SYN3: variants seen among roughly 807,000 people sequenced by gnomAD.
SYN3 encodes the protein synapsin-3.
In SYN3, 35 loss-of-function variants were observed where a neutral mutation model predicts 65.8. That is an observed-to-expected ratio of 0.53 (90% CI 0.41 to 0.70). The LOEUF is 0.70. Among genes scored for constraint, SYN3 ranks in the 30% least tolerant of loss-of-function variants. The pLI is 0.00. For missense variants in SYN3, 680 were observed against 749.0 expected (o/e 0.91, Z 1.08); for synonymous variants, 270 against 292.9 (o/e 0.92, Z 0.80).
At chr22:32,569,256 A>AATCAATCTATCT (rs1555898440) in intron 7 of SYN3, among the ~76,000 whole-genome samples, 3 of 140,990 alleles carry the variant, frequency 2.1e-5, no homozygotes, top group East Asian at 2.4e-4. Flanking sequence ...ATGCATCCAA[A>AATCAATCTATCT]ATCTATCTAT....
At chr22:32,858,357 C>T (rs990206472) in intron 6 of SYN3, among the ~76,000 whole-genome samples, 1 of 152,134 alleles carries the variant, frequency 6.6e-6, no homozygotes, top group African/African-American at 2.4e-5. Flanking sequence ...CTGCTGTAAT[C>T]GGCTGCCTCC....
intron 6 of SYN3, among the ~76,000 whole-genome samples, chr22:32,827,121 C>T (rs926475586): frequency 6.6e-6 from 1 of 152,224 alleles, no homozygotes; most frequent in South Asian, 2.1e-4. Context: ...AAATCTCCAG[C>T]CTCTCCTGCT....
intron 4 of SYN3, among the ~76,000 whole-genome samples, chr22:32,896,437 C>G (rs1339162905): frequency 6.6e-6 from 1 of 152,180 alleles, no homozygotes; most frequent in Non-Finnish European, 1.5e-5. Flanking sequence ...GCCTGGGCAA[C>G]AGAGTAAGAC....
Position 32,807,378 on chromosome 22 carries a change from AAT to A in SYN3, c.711+57535_711+57536del, listed in dbSNP as rs1409769451. On this transcript the variant is annotated intron_variant, in intron 6 of 13. Transcript: ENST00000358763. ...ATAATATATAATATATATTATATAT[AAT>A]ATATATTATATATAATATATATATA... 3.7e-5 allele frequency among the ~76,000 whole-genome samples: 4 copies of A among 108,242 alleles called. 1 individual carries two copies. Among genetic ancestry groups the A allele is most frequent in the Non-Finnish European group, 6.9e-5 (4 of 57,670 alleles). The allele number at this position is 108,242 out of a possible 152,430, so 71.0% of individuals were successfully genotyped here.
At chr22:32,699,117 C>T (rs549218344) in intron 6 of SYN3, among the ~76,000 whole-genome samples, 1 of 152,354 alleles carries the variant, frequency 6.6e-6, no homozygotes, top group East Asian at 1.9e-4. Flanking sequence ...GGCCCAGGGT[C>T]TCCAGTGGCT....
chr22:32,756,273 A>C (rs572741161), intron 6 of SYN3, among the ~76,000 whole-genome samples: 36 of 152,184 alleles, frequency 2.4e-4, no homozygotes, highest in African/African-American at 7.9e-4. Context: ...GCAAAAATCA[A>C]ACAGAAATAA....
At chr22:32,746,336 A>G (rs781568407) in intron 6 of SYN3, among the ~76,000 whole-genome samples, 1 of 152,254 alleles carries the variant, frequency 6.6e-6, no homozygotes, top group Non-Finnish European at 1.5e-5. Flanking sequence ...GAAAACATTA[A>G]TCTTCACATA....
chr22:32,962,129 CTTTTTTTTTT>C (rs58025844), intron 3 of SYN3, among the ~76,000 whole-genome samples: 6 of 107,200 alleles, frequency 5.6e-5, no homozygotes, highest in African/African-American at 1.1e-4. Flanking sequence ...TTTAGAATCT[CTTTTTTTTTT>C]TTTTTTTTTT....
chr22:32,923,566 T>C (rs765254155), intron 4 of SYN3, among the ~76,000 whole-genome samples: 2 of 152,246 alleles, frequency 1.3e-5, no homozygotes, highest in Non-Finnish European at 2.9e-5. Context: ...AACGTCTACA[T>C]GTCTTTGAAA....
intron 6 of SYN3, among the ~76,000 whole-genome samples, chr22:32,780,926 TTCC>T (rs1394002207): frequency 8.5e-6 from 1 of 117,244 alleles, no homozygotes; most frequent in Non-Finnish European, 1.7e-5. Flanking sequence ...CCTTCCTTCC[TTCC>T]TTCCTTTCCT....
chr22:32,613,266 GAATT>G (rs2059471619), intron 6 of SYN3, among the ~76,000 whole-genome samples: 1 of 151,736 alleles, frequency 6.6e-6, no homozygotes, highest in South Asian at 2.1e-4. Flanking sequence ...ATGTGAGAAT[GAATT>G]AATATAATAC....
At position 32,655,613 on chromosome 22, in the gene SYN3, C is replaced by T. The variant is rs2060131630; in HGVS notation, c.712-58877G>A. On this transcript the variant is annotated intron_variant, in intron 6 of 13. Transcript: ENST00000358763. Reference sequence around the variant, plus strand: ...TAGGAGCGTGGACCCTATTGTGAACCATGCATGCAAGGGATCTAGGTTGCA... The same window carrying T: ...TAGGAGCGTGGACCCTATTGTGAACTATGCATGCAAGGGATCTAGGTTGCA... 2.0e-5 allele frequency among the ~76,000 whole-genome samples: 3 copies of T among 152,228 alleles called. No individual in the cohort carries two copies. In the South Asian group the frequency reaches 6.2e-4, roughly 32 times the overall value.
At chr22:32,571,464 C>T (rs1220570000) in intron 7 of SYN3, among the ~76,000 whole-genome samples, 1 of 152,188 alleles carries the variant, frequency 6.6e-6, no homozygotes, top group African/African-American at 2.4e-5. Context: ...AAGCTCACTC[C>T]ATCTATCATT....
At chr22:32,580,998 C>T (rs765977789) in intron 7 of SYN3, among the ~76,000 whole-genome samples, 10 of 152,170 alleles carry the variant, frequency 6.6e-5, no homozygotes, top group Non-Finnish European at 1.3e-4. Context: ...CACAGTCAGG[C>T]GCTAGAGGAA....
chr22:32,797,104 C>T (rs921021105), intron 6 of SYN3, among the ~76,000 whole-genome samples: 4 of 152,136 alleles, frequency 2.6e-5, no homozygotes, highest in African/African-American at 7.2e-5. Flanking sequence ...CTCCCGCCCT[C>T]GCAGTGAGAC....
chr22:32,517,836 A>G (rs1190976045), intron 13 of SYN3, among the ~76,000 whole-genome samples: 1 of 152,092 alleles, frequency 6.6e-6, no homozygotes, highest in Non-Finnish European at 1.5e-5. Flanking sequence ...GTATACACGG[A>G]GGGTCACGGT....
At chr22:32,906,047 T>C (rs1601664813) in intron 4 of SYN3, among the ~76,000 whole-genome samples, 1 of 152,078 alleles carries the variant, frequency 6.6e-6, no homozygotes, top group East Asian at 1.9e-4. Flanking sequence ...GGGAAAGACC[T>C]AGGAGCAGCT....
intron 1 of SYN3, among the ~76,000 whole-genome samples, chr22:33,018,678 T>C (rs1045889175): frequency 2.6e-5 from 4 of 152,258 alleles, no homozygotes; most frequent in African/African-American, 9.6e-5. Flanking sequence ...AACAGCTACT[T>C]TGAGAAGAGA....
At chr22:32,572,436 T>TGCCTTTCCTTCCCTCCC (rs2058785454) in intron 7 of SYN3, among the ~76,000 whole-genome samples, 1 of 8,350 alleles carries the variant, frequency 1.2e-4, no homozygotes, top group Admixed American at 2.5e-3. Context: ...CCTTCCTTCC[T>TGCCTTTCCTTCCCTCCC]TCCCTCCTTC....
Sources: allele counts gnomAD v4.1 joint callset (sites outside exome capture counted in the v4.1 genomes callset), GRCh38; gene constraint gnomAD v4.1.1; transcripts MANE v1.5; gene names NCBI Gene and HGNC (gene_info 2026-07-23, HGNC 2026-07-21).